The following MAD1L1 variants were observed in gnomAD, a reference collection of about 807,000 sequenced individuals.
The protein encoded by MAD1L1 is mitotic arrest deficient 1 like 1.
MAD1L1 carries 95 observed loss-of-function variants against 96.9 expected under a neutral mutation model. The observed-to-expected ratio is 0.98, with a 90% CI of 0.83 to 1.16. The LOEUF is 1.16. Ranked by LOEUF, MAD1L1 falls within the 50% of genes most tolerant of loss-of-function variation. The pLI, the probability that MAD1L1 is intolerant of heterozygous loss-of-function variation, is 0.00. For synonymous variants in MAD1L1, 473 were observed against 396.6 expected, an observed-to-expected ratio of 1.19 and a Z score of -2.29; for missense variants, 1,007 against 954.4, an observed-to-expected ratio of 1.06 and a Z score of -0.73.
intron 18 of MAD1L1, among the ~76,000 whole-genome samples, chr7:1,886,299 G>C (rs755185428): frequency 6.6e-6 from 1 of 152,216 alleles, no homozygotes; most frequent in Non-Finnish European, 1.5e-5. Context: ...ATGGTGGGCT[G>C]GCAGATATGC....
intron 12 of MAD1L1, among the ~76,000 whole-genome samples, chr7:2,015,469 G>A (rs912250958): frequency 6.6e-6 from 1 of 152,244 alleles, no homozygotes; most frequent in Non-Finnish European, 1.5e-5. Flanking sequence ...GGCCCCGGGA[G>A]CTGTGTGCTG....
chr7:2,225,212 ACGGCCTGG>A (rs1466483609), intron 4 of MAD1L1, among the ~76,000 whole-genome samples, 190 bp downstream of exon 4: 10 of 151,724 alleles, frequency 6.6e-5, no homozygotes, highest in African/African-American at 2.4e-4. Flanking sequence ...CTCATTTCCT[ACGGCCTGG>A]CAGGTACCGT....
chr7:1,865,911 G>A (rs1308016156), intron 18 of MAD1L1, among the ~76,000 whole-genome samples: 1 of 152,250 alleles, frequency 6.6e-6, no homozygotes, highest in Non-Finnish European at 1.5e-5. Flanking sequence ...GGGCCCTCGG[G>A]GAAGCCCTGG....
Position 2,084,252 on chromosome 7 carries a change from T to G in MAD1L1, c.1074-14914A>C, listed in dbSNP as rs933173695. Reference sequence around the variant, plus strand: ...CTCTGCTGTGCTGGTGAATACTGACTTCATTTCCTCAAAGTCCAGGGGGGA... The same window carrying G: ...CTCTGCTGTGCTGGTGAATACTGACGTCATTTCCTCAAAGTCCAGGGGGGA... On this transcript the variant is annotated intron_variant, in intron 11 of 18. Coordinates refer to ENST00000265854, the MANE Select transcript of MAD1L1 (RefSeq NM_001013836.2). Among the ~76,000 whole-genome samples the G allele has an allele frequency of 2.6e-5, 4 of 152,206 alleles. No homozygotes were observed. In the South Asian group the frequency reaches 8.3e-4, roughly 32 times the overall value.
At position 2,088,028 on chromosome 7, in the gene MAD1L1, C is replaced by A. The variant is rs1178583283; in HGVS notation, c.1074-18690G>T. On this transcript the variant is annotated intron_variant, in intron 11 of 18. Transcript: ENST00000265854. This position sits in a 1 kb window ranked among gnomAD's most constrained non-coding sequence, Gnocchi z 4.4. ...TAACTGGATCCGTTTCCCAGCAGAT[C>A]GAGGCTTGAGGCTCTAGGAGAGTTA... Among the ~76,000 whole-genome samples, 1 of 152,144 alleles carries A rather than the reference C, an allele frequency of 6.6e-6. No individual in the cohort carries two copies. Among genetic ancestry groups the A allele is most frequent in the East Asian group, 1.9e-4 (1 of 5,180 alleles).
chr7:2,189,470 A>G (rs1377494393), intron 10 of MAD1L1, among the ~76,000 whole-genome samples: 1 of 152,274 alleles, frequency 6.6e-6, no homozygotes, highest in Non-Finnish European at 1.5e-5. Flanking sequence ...CCTTAGAAAG[A>G]AAGGACATTT....
intron 12 of MAD1L1, among the ~76,000 whole-genome samples, chr7:2,064,439 A>G (rs1267239791): frequency 2.0e-5 from 3 of 152,236 alleles, no homozygotes; most frequent in Non-Finnish European, 4.4e-5. Flanking sequence ...GGCCTCAGGA[A>G]GCGGCTCTGG....
intron 11 of MAD1L1, among the ~76,000 whole-genome samples, chr7:2,072,555 A>G (rs1008159439): frequency 6.6e-6 from 1 of 152,166 alleles, no homozygotes; most frequent in Non-Finnish European, 1.5e-5. Flanking sequence ...CCAATTTAAT[A>G]CTCAAGGGCT....
intron 18 of MAD1L1, among the ~76,000 whole-genome samples, chr7:1,893,442 A>G (rs1280244501): frequency 6.6e-6 from 1 of 152,080 alleles, no homozygotes; most frequent in African/African-American, 2.4e-5. Flanking sequence ...CATTTGGGGG[A>G]AAATCTGATA....
At chr7:1,994,900 G>A (rs150808170) in intron 14 of MAD1L1, among the ~76,000 whole-genome samples, 12 of 152,228 alleles carry the variant, frequency 7.9e-5, no homozygotes, top group East Asian at 1.9e-4. Flanking sequence ...GGCCAGTCTC[G>A]AACTCCTGGG....
chr7:1,947,274 G>C, intron 16 of MAD1L1, among the ~76,000 whole-genome samples: 1 of 152,222 alleles, frequency 6.6e-6, no homozygotes, highest in African/African-American at 2.4e-5. Flanking sequence ...CCTCCAGCAA[G>C]GCCCAGGCAA....
At chr7:2,080,049 A>G in intron 11 of MAD1L1, 3 of 287,768 alleles carry the variant, frequency 1.0e-5, no homozygotes, top group Non-Finnish European at 2.0e-5. Context: ...TGCTCGCCTA[A>G]TGCACAGGAC....
At chr7:1,980,349 C>T in intron 15 of MAD1L1, 104 bp downstream of exon 15, 1 of 951,868 alleles carries the variant, frequency 1.1e-6, no homozygotes, top group Non-Finnish European at 1.6e-6. Context: ...ACAGGACACA[C>T]CTGGGCGTAT....
At chr7:2,039,842 A>G (rs117313847) in intron 12 of MAD1L1, among the ~76,000 whole-genome samples, 2 of 152,148 alleles carry the variant, frequency 1.3e-5, no homozygotes, top group Admixed American at 6.5e-5. Context: ...AGGAACTTTC[A>G]CGGGGCAAAA....
At chr7:1,869,859 C>G (rs925001768) in intron 18 of MAD1L1, among the ~76,000 whole-genome samples, 1 of 152,186 alleles carries the variant, frequency 6.6e-6, no homozygotes, top group African/African-American at 2.4e-5. Context: ...CAGGCAGGTT[C>G]AGGTCCAGCT....
At chr7:2,080,113 GCCTC>G in intron 11 of MAD1L1, 1 of 193,678 alleles carries the variant, frequency 5.2e-6, no homozygotes, top group South Asian at 9.2e-5. Context: ...GGGTGGGCCA[GCCTC>G]GAGGCTGGGG....
At chr7:1,974,739 G>A (rs1477747133) in intron 15 of MAD1L1, among the ~76,000 whole-genome samples, 1 of 152,256 alleles carries the variant, frequency 6.6e-6, no homozygotes, top group Non-Finnish European at 1.5e-5. Context: ...ACAGAGCCAG[G>A]AAAGCTCTCA....
intron 18 of MAD1L1, among the ~76,000 whole-genome samples, chr7:1,882,808 G>A (rs1785767890): frequency 6.6e-6 from 1 of 152,246 alleles, no homozygotes; most frequent in Admixed American, 6.5e-5. Flanking sequence ...GGGCGGCCGT[G>A]ACTCTGATCC....
intron 18 of MAD1L1, among the ~76,000 whole-genome samples, chr7:1,868,926 C>T (rs1185680537): frequency 2.0e-5 from 3 of 152,180 alleles, no homozygotes; most frequent in African/African-American, 4.8e-5. Flanking sequence ...AGCACGGAAG[C>T]GCCGCCTCAC....
Sources: gnomAD v4.1 joint callset for allele counts (sites outside exome capture counted in the v4.1 genomes callset) on GRCh38, gnomAD v4.1.1 for gene constraint, Gnocchi (gnomAD v3.1) non-coding constraint, MANE v1.5 for transcripts, NCBI Gene and HGNC (gene_info 2026-07-23, HGNC 2026-07-21) for gene names.